CACNA2D2: variants seen among roughly 807,000 people sequenced by gnomAD.
CACNA2D2 encodes the protein voltage-dependent calcium channel subunit alpha-2/delta-2.
CACNA2D2 carries 48 observed loss-of-function variants against 166.4 expected under a neutral mutation model. The ratio of observed to expected loss-of-function variants is 0.29; its 90% CI spans 0.23 to 0.37. CACNA2D2 has a LOEUF of 0.37. Among genes scored for constraint, CACNA2D2 ranks in the 10% least tolerant of loss-of-function variants. The probability of loss-of-function intolerance (pLI) is 1.00; values close to 1 mark genes in which losing one functional copy is unlikely to be tolerated. For synonymous variants in CACNA2D2, 561 were observed against 573.7 expected (o/e 0.98, Z 0.32); for missense variants, 1,122 against 1,433.0 (o/e 0.78, Z 3.50).
intron 3 of CACNA2D2, among the ~76,000 whole-genome samples, chr3:50,402,596 G>C (rs1706499203): frequency 6.6e-6 from 1 of 152,252 alleles, no homozygotes; most frequent in African/African-American, 2.4e-5. Flanking sequence ...GGAACCCAGA[G>C]CTGAAGGCTA....
Position 50,366,116 on chromosome 3 carries a change from G to C in CACNA2D2, c.2757C>G (p.Leu919=). The part of the protein sequence containing the change: ...SEVDANLMLA[L]YNNSFYTRKE... ...TGCGGGTGTAGAAGGAGTTATTGTAGAGTGCCAGCATCAGGTTGGCATCCA... is the reference window on the plus strand; with the variant it reads ...TGCGGGTGTAGAAGGAGTTATTGTACAGTGCCAGCATCAGGTTGGCATCCA... The change falls in exon 32 of 38, where the codon CTC becomes CTG. Residue 919 remains leucine, a synonymous_variant. Coordinates refer to ENST00000424201, the MANE Select transcript of CACNA2D2 (RefSeq NM_006030.4). This position sits in a 1 kb window ranked among gnomAD's most constrained non-coding sequence, Gnocchi z 5.9. 1.9e-6 allele frequency: 3 copies of C among 1,613,982 alleles called. No homozygotes were observed. The highest frequency in any genetic ancestry group is 2.5e-6 in the Non-Finnish European group (3 of 1,180,000).
rs1471339782 is a variant in CACNA2D2, at chr3:50,365,225, G to A, written c.3099-41C>T. 7.6e-6 allele frequency: 4 copies of A among 528,668 alleles called. No homozygotes were observed. Among genetic ancestry groups the A allele is most frequent in the Non-Finnish European group, 8.4e-6 (3 of 355,266 alleles). The allele number at this position is 528,668 out of a possible 1,614,324, so 32.7% of individuals were successfully genotyped here. A position where few individuals can be genotyped will look rare whatever the true frequency, so the allele number is the denominator to read the frequency against. On this transcript the variant is annotated intron_variant, in intron 35 of 37. Coordinates refer to ENST00000424201, the MANE Select transcript of CACNA2D2 (RefSeq NM_006030.4). This position sits in a 1 kb window ranked among gnomAD's most constrained non-coding sequence, Gnocchi z 4.5. ...AAAGGCGGGGCGTTGAGTTTGCCCC[G>A]CCCTGACCCACCCCCATCCTGCGGC... is the stretch of plus-strand genomic sequence containing the variant.
intron 3 of CACNA2D2, among the ~76,000 whole-genome samples, chr3:50,402,038 G>A (rs1296183192): frequency 6.6e-6 from 1 of 152,218 alleles, no homozygotes; most frequent in Non-Finnish European, 1.5e-5. Flanking sequence ...ACATCAAGAG[G>A]AGGAAGGCCA....
At chr3:50,435,135 G>GTGTGTT (rs1491482130) in intron 2 of CACNA2D2, among the ~76,000 whole-genome samples, 2 of 80,582 alleles carry the variant, frequency 2.5e-5, no homozygotes, top group African/African-American at 2.3e-4. Flanking sequence ...AAATCTGAGG[G>GTGTGTT]TGTGTGTGTG....
In CACNA2D2 at chr3:50,378,346, G is replaced by A. The variant is rs1705101528; in HGVS notation, c.1340-13C>T. On this transcript the variant is annotated splice_polypyrimidine_tract_variant and intron_variant, in intron 13 of 37. Coordinates refer to ENST00000424201, the MANE Select transcript of CACNA2D2 (RefSeq NM_006030.4). ...TCAAAATAGTAGCCTGTGAAGGAAG[G>A]AGAGGCAGAGGTGGGCCTGGCTGGC... The A allele has an allele frequency of 6.4e-7, 1 of 1,551,366 alleles. No individual in the cohort carries two copies. The highest frequency in any genetic ancestry group is 1.4e-5 in the African/African-American group (1 of 73,092).
chr3:50,430,946 T>G (rs564910307), intron 3 of CACNA2D2, among the ~76,000 whole-genome samples: 71 of 152,282 alleles, frequency 4.7e-4, no homozygotes, highest in Non-Finnish European at 9.3e-4. Flanking sequence ...GCCTGCTCCC[T>G]CCTGACTCTT....
chr3:50,426,846 T>A (rs1286521458), intron 3 of CACNA2D2, among the ~76,000 whole-genome samples: 6 of 152,096 alleles, frequency 3.9e-5, no homozygotes, highest in African/African-American at 1.4e-4. Context: ...CACCACTAGC[T>A]CAGGCGGGTG....
At chr3:50,448,285 C>T (rs1030431952) in intron 2 of CACNA2D2, among the ~76,000 whole-genome samples, 1 of 152,198 alleles carries the variant, frequency 6.6e-6, no homozygotes, top group African/African-American at 2.4e-5. Context: ...GAGTCATCAA[C>T]GTGACTGGAA....
At position 50,379,788 on chromosome 3, in the gene CACNA2D2, C is replaced by T. The variant is rs1201925194; in HGVS notation, c.930G>A (p.Met310Ile). Residue 310 changes from methionine (M) to isoleucine (I), a missense_variant, in exon 10 of 38, where the codon ATG becomes ATA. By Grantham distance (10) the Met-to-Ile change is conservative. This residue lies in a region of CACNA2D2 where 840 missense variants were observed against 1,166.8 expected (regional missense o/e 0.72). Transcript: ENST00000424201. This position sits in a 1 kb window ranked among gnomAD's most constrained non-coding sequence, Gnocchi z 6.5. ...GSVSGLTLKL[M>I]KTSVCEMLDT... ...CCAGCATCTCGCAGACAGATGTCTT[C>T]ATCAGCTTCAGGGTCAGGCCGCTCA... The T allele has an allele frequency of 2.5e-6, 4 of 1,613,830 alleles. No homozygotes were observed. Among genetic ancestry groups the T allele is most frequent in the African/African-American group, 2.7e-5 (2 of 74,918 alleles).
rs1704002643 is a variant in CACNA2D2 at position 50,362,853 on chromosome 3, T to G, written c.*1813A>C. ...TAACTGATCTTCTGTAATAAACCAT[T>G]TGAAAATATTTTACAAGGAATCACA... On this transcript the variant is annotated 3_prime_UTR_variant, in exon 38 of 38. Coordinates refer to ENST00000424201, the MANE Select transcript of CACNA2D2 (RefSeq NM_006030.4). The G allele has an allele frequency of 2.9e-6, 1 of 341,856 alleles. No individual in the cohort carries two copies. The highest frequency in any genetic ancestry group is 5.2e-6 in the Non-Finnish European group (1 of 192,144). 21.2% of individuals were successfully genotyped at this position (341,856 alleles called of 1,614,324 possible). A position where few individuals can be genotyped will look rare whatever the true frequency, so the allele number is the denominator to read the frequency against.
Position 50,474,417 on chromosome 3 carries a change from G to A in CACNA2D2, c.288+1701C>T, listed in dbSNP as rs560246984. On this transcript the variant is annotated intron_variant, in intron 2 of 37. Coordinates refer to ENST00000424201, the MANE Select transcript of CACNA2D2 (RefSeq NM_006030.4). ...TGGGTCAAGAATGAGGATCAGAGAG[G>A]ATCCAGGCTCACCCAGGGGCACATG... Among the ~76,000 whole-genome samples the A allele has an allele frequency of 7.7e-4, 118 of 152,304 alleles. 1 individual carries two copies. Among genetic ancestry groups the A allele is most frequent in the African/African-American group, 2.1e-3 (89 of 41,576 alleles).
chr3:50,489,907 A>G (rs1305893929), intron 1 of CACNA2D2, among the ~76,000 whole-genome samples: 2 of 151,096 alleles, frequency 1.3e-5, no homozygotes, highest in Non-Finnish European at 2.9e-5. Flanking sequence ...CCTCACTCCC[A>G]TGTCTTCTTC....
intron 1 of CACNA2D2, among the ~76,000 whole-genome samples, chr3:50,484,629 GA>G (rs1479057504): frequency 6.6e-6 from 1 of 152,134 alleles, no homozygotes; most frequent in African/African-American, 2.4e-5. Context: ...CCTGCTCCGT[GA>G]AGACCTCCTT....
chr3:50,366,376 C>A lies in CACNA2D2; in HGVS notation c.2638-38G>T. Reference sequence around the variant, plus strand: ...GAATGGGGAGGAAAATGGAGAGGGGCTGGGCCCCGGACCTTCCACCGCAGG... The same window carrying A: ...GAATGGGGAGGAAAATGGAGAGGGGATGGGCCCCGGACCTTCCACCGCAGG... On this transcript the variant is annotated intron_variant, in intron 30 of 37. Transcript: ENST00000424201. This position sits in a 1 kb window ranked among gnomAD's most constrained non-coding sequence, Gnocchi z 5.9. 1 of 1,605,644 alleles carries A rather than the reference C, an allele frequency of 6.2e-7. No individual in the cohort carries two copies. Among genetic ancestry groups the A allele is most frequent in the Non-Finnish European group, 8.5e-7 (1 of 1,172,470 alleles).
intron 1 of CACNA2D2, among the ~76,000 whole-genome samples, chr3:50,486,492 C>G (rs1698287514): frequency 6.6e-6 from 1 of 152,132 alleles, no homozygotes; most frequent in South Asian, 2.1e-4. Flanking sequence ...TTGAAGAAGA[C>G]AGAGACCCCC....
At chr3:50,494,450 G>C in intron 1 of CACNA2D2, among the ~76,000 whole-genome samples, 1 of 152,084 alleles carries the variant, frequency 6.6e-6, no homozygotes, top group East Asian at 1.9e-4. Flanking sequence ...ACCATCTCAG[G>C]AATACGCCAG....
chr3:50,409,988 C>T (rs1330135775), intron 3 of CACNA2D2, among the ~76,000 whole-genome samples: 2 of 152,154 alleles, frequency 1.3e-5, no homozygotes, highest in African/African-American at 4.8e-5. Flanking sequence ...CCAGAGGAGG[C>T]AGGAGGGGTC....
At chr3:50,461,380 G>C (rs973525246) in intron 2 of CACNA2D2, among the ~76,000 whole-genome samples, 4 of 152,180 alleles carry the variant, frequency 2.6e-5, no homozygotes, top group African/African-American at 9.7e-5. Context: ...GAGAAGGAAG[G>C]CTTTCTGAGA....
chr3:50,423,141 A>G (rs1263063895), intron 3 of CACNA2D2, among the ~76,000 whole-genome samples: 1 of 152,168 alleles, frequency 6.6e-6, no homozygotes, highest in East Asian at 1.9e-4. Flanking sequence ...ATGCCTACGC[A>G]GCTCATGGAT....
Sources: gnomAD v4.1 joint callset for allele counts (sites outside exome capture counted in the v4.1 genomes callset) on GRCh38, gnomAD v4.1.1 for gene constraint, gnomAD v4.1.1 regional missense constraint, Gnocchi (gnomAD v3.1) non-coding constraint, MANE v1.5 for transcripts, NCBI Gene and HGNC (gene_info 2026-07-23, HGNC 2026-07-21) for gene names.